Variants in BTAF1 observed in about 807,000 individuals in gnomAD.
BTAF1 encodes the protein TATA-binding protein-associated factor 172.
Under a neutral mutation model 227.1 loss-of-function variants are expected in BTAF1, and 38 were observed. That is an observed-to-expected ratio of 0.17 (90% confidence interval 0.13 to 0.22). The LOEUF is 0.22. Ranked by LOEUF, BTAF1 falls within the 10% of genes least tolerant of loss-of-function variation. The probability of loss-of-function intolerance (pLI) is 1.00; values close to 1 mark genes in which losing one functional copy is unlikely to be tolerated. For missense variants in BTAF1, 1,598 were observed against 2,204.0 expected (o/e 0.73, Z 5.51); for synonymous variants, 742 against 751.9 (o/e 0.99, Z 0.21).
chr10:91,965,236 G>A (rs1248490783), intron 13 of BTAF1, among the ~76,000 whole-genome samples: 1 of 152,162 alleles, frequency 6.6e-6, no homozygotes, highest in Admixed American at 6.5e-5. Flanking sequence ...AACTAAATGA[G>A]TTAATCTATG....
In BTAF1 at chr10:91,999,868, A is replaced by G. The variant is rs532133383; in HGVS notation, c.3660+2117A>G. 2.0e-5 allele frequency among the ~76,000 whole-genome samples: 3 copies of G among 152,328 alleles called. No homozygotes were observed. The South Asian group carries it at 6.2e-4, about 32-fold the overall frequency. On this transcript the variant is annotated intron_variant, in intron 25 of 37. Coordinates refer to ENST00000265990, the MANE Select transcript of BTAF1 (RefSeq NM_003972.3). ...TTTTTTATTAAATTCAAAAACAGGCAAAAGAAACTTGGTGATAAAGGTATA... is the reference window on the plus strand; with the variant it reads ...TTTTTTATTAAATTCAAAAACAGGCGAAAGAAACTTGGTGATAAAGGTATA...
chr10:91,974,899 A>G (rs1847575905), intron 14 of BTAF1, among the ~76,000 whole-genome samples: 1 of 152,230 alleles, frequency 6.6e-6, no homozygotes, highest in Non-Finnish European at 1.5e-5. Flanking sequence ...TTTACAATCA[A>G]GGTATAACTT....
At chr10:91,962,060 A>G (rs140051178) in intron 11 of BTAF1, among the ~76,000 whole-genome samples, 14 of 152,280 alleles carry the variant, frequency 9.2e-5, no homozygotes, top group African/African-American at 1.9e-4. Context: ...TTAGGCTTCT[A>G]TTGATGTTAC....
chr10:91,958,945 G>A (rs1846292424), intron 8 of BTAF1, 120 bp from the exon 9 acceptor site: 3 of 815,690 alleles, frequency 3.7e-6, no homozygotes, highest in Non-Finnish European at 5.8e-6. Context: ...TTCTTGTAAA[G>A]TTCCACTTAG....
At chr10:91,951,785 G>A (rs1030855074) in intron 5 of BTAF1, among the ~76,000 whole-genome samples, 11 of 152,092 alleles carry the variant, frequency 7.2e-5, no homozygotes, top group African/African-American at 2.7e-4. Flanking sequence ...CTGTTAAGTT[G>A]TAGTAGACCT....
chr10:91,950,726 T>C (rs1845714794), intron 4 of BTAF1, among the ~76,000 whole-genome samples: 1 of 152,176 alleles, frequency 6.6e-6, no homozygotes, highest in Non-Finnish European at 1.5e-5. Flanking sequence ...TGTTGAGCCC[T>C]TTTACTGTTG....
chr10:91,972,029 C>T (rs1043356701), intron 14 of BTAF1, among the ~76,000 whole-genome samples: 14 of 152,018 alleles, frequency 9.2e-5, no homozygotes, highest in African/African-American at 3.4e-4. Flanking sequence ...AATTATCATC[C>T]TTTCTCCAGT....
chr10:91,996,254 G>T (rs1288187023), intron 23 of BTAF1, 115 bp from the exon 24 acceptor site: 2 of 799,482 alleles, frequency 2.5e-6, no homozygotes, highest in South Asian at 3.7e-5. Context: ...AGTATTTGGA[G>T]ATATTTTTAG....
At chr10:91,943,398 T>G (rs543439121) in intron 4 of BTAF1, among the ~76,000 whole-genome samples, 1 of 152,226 alleles carries the variant, frequency 6.6e-6, no homozygotes, top group South Asian at 2.1e-4. Flanking sequence ...AATTACTGTT[T>G]TGGCGATTCA....
intron 32 of BTAF1, among the ~76,000 whole-genome samples, chr10:92,014,359 C>G (rs1181604627): frequency 6.6e-6 from 1 of 152,112 alleles, no homozygotes; most frequent in Non-Finnish European, 1.5e-5. Flanking sequence ...CCCCAAGTAG[C>G]TGGGACTGCA....
intron 24 of BTAF1, 79 bp from the exon 25 acceptor site, chr10:91,997,524 G>A (rs930742645): frequency 7.7e-7 from 1 of 1,300,650 alleles, no homozygotes; most frequent in Non-Finnish European, 1.1e-6. Flanking sequence ...CTTTTAAAAA[G>A]TTAAAATCTT....
intron 3 of BTAF1, among the ~76,000 whole-genome samples, chr10:91,940,707 CAG>C (rs1844931940): frequency 6.6e-6 from 1 of 151,408 alleles, no homozygotes; most frequent in Non-Finnish European, 1.5e-5. Flanking sequence ...TTTTTCGAGA[CAG>C]AGTCTCACTG....
chr10:91,984,096 A>C (rs1848242136), intron 18 of BTAF1, 105 bp from the exon 19 acceptor site: 4 of 916,298 alleles, frequency 4.4e-6, no homozygotes, highest in Non-Finnish European at 6.5e-6. Flanking sequence ...ATATAGATTC[A>C]GTACAAGTAA....
rs1313159269 is a variant in BTAF1 at position 91,962,577 on chromosome 10, A to G, written c.1303A>G (p.Ile435Val). The G allele has an allele frequency of 3.1e-6, 5 of 1,595,098 alleles. No homozygotes were observed. The highest frequency in any genetic ancestry group is 1.1e-5 in the South Asian group (1 of 89,574). ...NTLLPKVLTR[I>V]IEGLQDLDDD... ...TTTATTGCCTAAAGTTTTAACTAGA[A>G]TAATTGAAGGACTCCAGGATCTTGA... Residue 435 changes from isoleucine to valine, a missense_variant, in exon 12 of 38, where the codon ATA (isoleucine) becomes GTA (valine). Around this residue, in one of 10 missense-constraint regions of BTAF1, gnomAD observed 52 missense variants for 72.4 expected, o/e 0.72. Transcript: ENST00000265990.
chr10:92,028,458 C>A lies in BTAF1; in HGVS notation c.5407-332C>A, dbSNP rs144135010. On this transcript the variant is annotated intron_variant, in intron 37 of 37. Coordinates refer to ENST00000265990, the MANE Select transcript of BTAF1 (RefSeq NM_003972.3). The stretch of plus-strand genomic sequence containing the variant: ...AAAGGATAAAAGGACATGATGTCTA[C>A]AACTTTCTTTCAAATTGTTCAGAGA... Among the ~76,000 whole-genome samples the A allele has an allele frequency of 3.0e-4, 46 of 152,250 alleles. 1 individual carries two copies. The East Asian group carries it at 8.1e-3, about 27-fold the overall frequency.
intron 1 of BTAF1, 115 bp from the exon 2 acceptor site, chr10:91,935,542 A>G: frequency 6.2e-6 from 7 of 1,132,042 alleles, no homozygotes; most frequent in Non-Finnish European, 8.5e-6. Context: ...TCCGGGGCTC[A>G]TTTATGTTAG....
chr10:91,991,797 G>GTATATATATATATATATA (rs1166615338), intron 20 of BTAF1, among the ~76,000 whole-genome samples: 11 of 9,992 alleles, frequency 1.1e-3, no homozygotes, highest in African/African-American at 2.0e-3. Flanking sequence ...GTGTGTGTGT[G>GTATATATATATATATATA]TATATATATA....
rs1851827661 is a variant in BTAF1 at position 92,030,537 on chromosome 10, T to A, written c.*1604T>A. ...AACATAGCTTATAGTAATTGATATT[T>A]TCTTAGAATAAGTACAGAGCAATAT... On this transcript the variant is annotated 3_prime_UTR_variant, in exon 38 of 38. Coordinates refer to ENST00000265990, the MANE Select transcript of BTAF1 (RefSeq NM_003972.3). Among the ~76,000 whole-genome samples the A allele has an allele frequency of 2.0e-5, 3 of 152,296 alleles. No individual in the cohort carries two copies. Among genetic ancestry groups the A allele is most frequent in the Admixed American group, 1.3e-4 (2 of 15,302 alleles).
chr10:92,017,004 A>G (rs559677371), intron 33 of BTAF1, among the ~76,000 whole-genome samples: 1 of 152,370 alleles, frequency 6.6e-6, no homozygotes, highest in Non-Finnish European at 1.5e-5. Context: ...AGAATAGAGA[A>G]TCTTTTGCTT....
Sources: allele counts gnomAD v4.1 joint callset (sites outside exome capture counted in the v4.1 genomes callset), GRCh38; gene constraint gnomAD v4.1.1; regional missense constraint gnomAD v4.1.1; transcripts MANE v1.5; gene names NCBI Gene and HGNC (gene_info 2026-07-23, HGNC 2026-07-21).